Variants in AKT1S1 observed in about 807,000 individuals in gnomAD.
AKT1S1 encodes the protein proline-rich AKT1 substrate 1.
A neutral mutation model predicts 21.2 loss-of-function variants in AKT1S1; 17 were observed. The observed-to-expected ratio is 0.80, with a 90% CI of 0.55 to 1.20. The LOEUF (loss-of-function observed/expected upper bound fraction) is 1.20, where lower values mean the gene tolerates loss of function less well. AKT1S1 is among the 50% of genes most tolerant of loss of function. AKT1S1 has a pLI of 0.00. For missense variants in AKT1S1, 366 were observed against 368.3 expected (o/e 0.99, Z 0.05); for synonymous variants, 181 against 165.6 (o/e 1.09, Z -0.72).
At chr19:49,876,919 A>G (rs529118014) in intron 1 of AKT1S1, 3 of 405,610 alleles carry the variant, frequency 7.4e-6, no homozygotes, top group East Asian at 7.4e-5. Context: ...CTGACCCACA[A>G]TAAACTTCTT....
At chr19:49,877,665 T>C (rs1390642539), upstream of AKT1S1, 3 of 1,575,898 alleles carry the variant, frequency 1.9e-6, no homozygotes, top group East Asian at 6.9e-5. Flanking sequence ...TCTCCGGAAG[T>C]GACAACACGC....
intron 3 of AKT1S1, 47 bp downstream of exon 3, chr19:49,871,765 C>G: frequency 6.2e-7 from 1 of 1,611,004 alleles, no homozygotes; most frequent in Non-Finnish European, 8.5e-7. Context: ...TTGTGTCGGC[C>G]GTGTGCCTGC....
rs767586194 is a variant in AKT1S1, at chr19:49,870,064, C to T, written c.628-4G>A. ...GGTCCAGGTCGGGCGAAGAGGGCTG[C>T]GGGGACGGCGACGGGGCGAGGTCAG... On this transcript the variant is annotated splice_region_variant and splice_polypyrimidine_tract_variant and intron_variant, in intron 4 of 4. Coordinates refer to ENST00000344175, the MANE Select transcript of AKT1S1 (RefSeq NM_001098633.4). 2.0e-6 allele frequency: 3 copies of T among 1,522,572 alleles called. No homozygotes were observed. Among genetic ancestry groups the T allele is most frequent in the South Asian group, 2.4e-5 (2 of 81,878 alleles). 94.3% of individuals were successfully genotyped at this position (1,522,572 alleles called of 1,614,324 possible).
chr19:49,869,884 C>A lies in AKT1S1; in HGVS notation c.*33G>T. 6.9e-7 allele frequency: 1 copy of A among 1,453,254 alleles called. No individual in the cohort carries two copies. The highest frequency in any genetic ancestry group is 9.2e-7 in the Non-Finnish European group (1 of 1,087,862). The allele number at this position is 1,453,254 out of a possible 1,614,324, so 90.0% of individuals were successfully genotyped here. On this transcript the variant is annotated 3_prime_UTR_variant, in exon 5 of 5. Transcript: ENST00000344175. ...GGCGGGGGCGTAGTGTGGGACGGGG[C>A]GGACGCGGCCCGGGGCGCTCCCTCC...
chr19:49,873,369 G>T lies in AKT1S1; in HGVS notation c.-7-67C>A. ...CCTACATCATCGCCACCCACTCAGA[G>T]TGCCCGCCCGTCCCCTGGATGGCAC... On this transcript the variant is annotated intron_variant, in intron 1 of 4. Transcript: ENST00000344175. The surrounding 1 kb of genome is among the most constrained non-coding windows in gnomAD (Gnocchi z 6.9). 1 of 1,381,120 alleles carries T rather than the reference G, an allele frequency of 7.2e-7. No homozygotes were observed. Among genetic ancestry groups the T allele is most frequent in the Non-Finnish European group, 9.3e-7 (1 of 1,074,990 alleles). The allele number at this position is 1,381,120 out of a possible 1,614,324, so 85.6% of individuals were successfully genotyped here.
Position 49,869,819 on chromosome 19 carries a change from G to A in AKT1S1, c.*98C>T, listed in dbSNP as rs913396567. ...TGGGAATGGGAGACGCAAGGAGGCC[G>A]GTCCCGGATCGGCCTCAGATTAGCA... On this transcript the variant is annotated 3_prime_UTR_variant, in exon 5 of 5. Transcript: ENST00000344175. 6.7e-5 allele frequency: 83 copies of A among 1,243,778 alleles called. No homozygotes were observed. Among genetic ancestry groups the A allele is most frequent in the Non-Finnish European group, 8.2e-5 (79 of 957,754 alleles). 77.0% of individuals were successfully genotyped at this position (1,243,778 alleles called of 1,614,324 possible).
upstream of AKT1S1, chr19:49,878,184 T>C (rs1425104771): frequency 2.5e-6 from 4 of 1,576,010 alleles, no homozygotes; most frequent in Non-Finnish European, 3.4e-6. Flanking sequence ...ACACCAGCGC[T>C]AAGAAGTATC....
intron 1 of AKT1S1, chr19:49,875,741 G>T: frequency 1.8e-6 from 1 of 566,640 alleles, no homozygotes; most frequent in Non-Finnish European, 2.2e-6. Flanking sequence ...AGTGAGTTGT[G>T]AGGGCTCCCC....
chr19:49,870,910 G>C (rs2074876471), intron 4 of AKT1S1, among the ~76,000 whole-genome samples: 1 of 152,214 alleles, frequency 6.6e-6, no homozygotes, highest in African/African-American at 2.4e-5. Context: ...GTGACTGCTG[G>C]TTTGCATATA....
At chr19:49,877,634 C>T (rs750692877), upstream of AKT1S1, 57 of 1,466,942 alleles carry the variant, frequency 3.9e-5, no homozygotes, top group East Asian at 1.3e-3. Flanking sequence ...TACCACTGTC[C>T]GGCCCGGAGG....
chr19:49,875,708 G>A (rs962313076), intron 1 of AKT1S1, among the ~76,000 whole-genome samples: 9 of 152,176 alleles, frequency 5.9e-5, no homozygotes, highest in South Asian at 2.1e-4. Flanking sequence ...AGTAGCCACG[G>A]GATTAAAGAG....
At chr19:49,877,884 C>A, upstream of AKT1S1, 2 of 1,094,502 alleles carry the variant, frequency 1.8e-6, no homozygotes, top group Non-Finnish European at 2.6e-6. Context: ...GCGCCGTCAC[C>A]CTCCCGTCCA....
At chr19:49,871,173 C>G (rs1028077781) in intron 4 of AKT1S1, among the ~76,000 whole-genome samples, 1 of 152,024 alleles carries the variant, frequency 6.6e-6, no homozygotes, top group African/African-American at 2.4e-5. Context: ...AACAGGGGAC[C>G]AGGGGGTGGG....
chr19:49,869,949 TG>T lies in AKT1S1; in HGVS notation c.738del (p.Ser247AlafsTer6). ...TTCCGCTTCAGCTTCTGGAAGTCGC[TG>T]GTGTTAAGCCGCGGCCGTGGCAGGT... ...FGDLPRPRLN[T>X]SDFQKLKRKY On this transcript the variant is annotated frameshift_variant, in exon 5 of 5. Coordinates refer to ENST00000344175, the MANE Select transcript of AKT1S1 (RefSeq NM_001098633.4). LOFTEE classifies it high-confidence loss of function. 6.5e-7 allele frequency: 1 copy of T among 1,532,636 alleles called. No individual in the cohort carries two copies. Among genetic ancestry groups the T allele is most frequent in the Non-Finnish European group, 8.8e-7 (1 of 1,133,732 alleles). The allele number at this position is 1,532,636 out of a possible 1,614,324, so 94.9% of individuals were successfully genotyped here. A position where few individuals can be genotyped will look rare whatever the true frequency, so the allele number is the denominator to read the frequency against.
chr19:49,874,084 C>T (rs2074915623), intron 1 of AKT1S1: 1 of 152,472 alleles, frequency 6.6e-6, no homozygotes, highest in African/African-American at 2.4e-5. Context: ...CCTCCACGGC[C>T]TTCCAGAGCC....
At chr19:49,874,525 A>G (rs1380784188) in intron 1 of AKT1S1, 3 of 152,312 alleles carry the variant, frequency 2.0e-5, no homozygotes, top group Admixed American at 6.5e-5. Flanking sequence ...TGCCTCCTGC[A>G]TCAGACTGTG....
At chr19:49,876,269 GGACCGGAAGTCCCGCCTTTGGACGGGT>G (rs1360117742) in intron 1 of AKT1S1, 1 of 1,154,522 alleles carries the variant, frequency 8.7e-7, no homozygotes, top group Admixed American at 4.7e-5. Flanking sequence ...ACGGAGGCCA[GGACCGGAAGTCCCGCCTTTGGACGGGT>G]GAGGGGCGCC....
chr19:49,869,877 G>C lies in AKT1S1; in HGVS notation c.*40C>G. On this transcript the variant is annotated 3_prime_UTR_variant, in exon 5 of 5. Transcript: ENST00000344175. ...GGAGTGGGGCGGGGGCGTAGTGTGG[G>C]ACGGGGCGGACGCGGCCCGGGGCGC... is the stretch of plus-strand genomic sequence containing the variant. 1.4e-6 allele frequency: 2 copies of C among 1,441,132 alleles called. No individual in the cohort carries two copies. Among genetic ancestry groups the C allele is most frequent in the Non-Finnish European group, 9.2e-7 (1 of 1,081,408 alleles). The allele number at this position is 1,441,132 out of a possible 1,614,324, so 89.3% of individuals were successfully genotyped here. A position where few individuals can be genotyped will look rare whatever the true frequency, so the allele number is the denominator to read the frequency against.
intron 4 of AKT1S1, among the ~76,000 whole-genome samples, chr19:49,870,669 C>G (rs1435202273): frequency 6.6e-6 from 1 of 152,206 alleles, no homozygotes; most frequent in Non-Finnish European, 1.5e-5. Context: ...TGGGCCTGTC[C>G]CCTCGCAGGA....
Sources: allele counts gnomAD v4.1 joint callset (sites outside exome capture counted in the v4.1 genomes callset), GRCh38; gene constraint gnomAD v4.1.1; non-coding constraint Gnocchi (gnomAD v3.1); transcripts MANE v1.5; gene names NCBI Gene and HGNC (gene_info 2026-07-23, HGNC 2026-07-21).